PCNX2: variants seen among roughly 807,000 people sequenced by gnomAD.
PCNX2 encodes the protein pecanex 2, also known as pecanex-like protein 2.
PCNX2 carries 168 observed loss-of-function variants against 223.8 expected under a neutral mutation model. That is an observed-to-expected ratio of 0.75 (90% CI 0.66 to 0.85). The LOEUF is 0.85. PCNX2 is among the 40% of genes least tolerant of loss of function. The probability of loss-of-function intolerance (pLI) is 0.00; values close to 1 mark genes in which losing one functional copy is unlikely to be tolerated. For missense variants in PCNX2, 2,507 were observed against 2,675.5 expected, an observed-to-expected ratio of 0.94 and a Z score of 1.39; for synonymous variants, 1,006 against 1,052.6, an observed-to-expected ratio of 0.96 and a Z score of 0.86.
chr1:233,203,806 TG>T (rs1292643256), intron 13 of PCNX2, among the ~76,000 whole-genome samples: 42 of 152,156 alleles, frequency 2.8e-4, no homozygotes, highest in Admixed American at 6.5e-4. Context: ...GACAGGGTGA[TG>T]GTTTAATTGC....
chr1:233,264,066 G>A (rs945954619), intron 1 of PCNX2, among the ~76,000 whole-genome samples: 8 of 152,080 alleles, frequency 5.3e-5, no homozygotes, highest in African/African-American at 1.4e-4. Flanking sequence ...TGAGCATGGC[G>A]ACCATAGTGA....
chr1:233,252,291 G>A, intron 7 of PCNX2, 63 bp downstream of exon 7: 2 of 1,527,210 alleles, frequency 1.3e-6, no homozygotes, highest in Non-Finnish European at 1.8e-6. Context: ...GTATCACACT[G>A]AGTCCTGAGA....
chr1:233,078,533 G>A (rs1673202892), intron 23 of PCNX2, among the ~76,000 whole-genome samples: 1 of 152,186 alleles, frequency 6.6e-6, no homozygotes, highest in Non-Finnish European at 1.5e-5. Context: ...TTGCTATAGT[G>A]ATTTAGAACA....
At chr1:233,274,630 TG>T (rs1384373384) in intron 1 of PCNX2, among the ~76,000 whole-genome samples, 1 of 152,058 alleles carries the variant, frequency 6.6e-6, no homozygotes, top group Non-Finnish European at 1.5e-5. Context: ...GACTGAGGAA[TG>T]GGGGTAGCAG....
intron 23 of PCNX2, among the ~76,000 whole-genome samples, chr1:233,083,609 C>A (rs1172674080): frequency 6.6e-6 from 1 of 152,176 alleles, no homozygotes; most frequent in African/African-American, 2.4e-5. Context: ...GTGAGATTCA[C>A]GAGAGCTCAC....
intron 25 of PCNX2, among the ~76,000 whole-genome samples, chr1:233,045,947 T>G (rs1671809326): frequency 6.6e-6 from 1 of 152,254 alleles, no homozygotes; most frequent in Admixed American, 6.5e-5. Flanking sequence ...TTCTCAGAAG[T>G]CTGTGCCCTT....
At chr1:233,076,741 C>T (rs1418850011) in intron 23 of PCNX2, among the ~76,000 whole-genome samples, 2 of 152,160 alleles carry the variant, frequency 1.3e-5, no homozygotes, top group Non-Finnish European at 2.9e-5. Flanking sequence ...ATCATTTACA[C>T]CTTGACTAAA....
Position 232,998,366 on chromosome 1 carries a change from C to T in PCNX2, c.5676G>A (p.Pro1892=), listed in dbSNP as rs749150552. Residue 1892 remains proline, a synonymous_variant, in exon 32 of 34, where the codon CCG becomes CCA. Coordinates refer to ENST00000258229, the MANE Select transcript of PCNX2 (RefSeq NM_014801.4). ...TCGGGGCATTGTTGCCACCTGTCGT[C>T]GGGGCCCCTCCTCCGTCCACGTCTT... The part of the protein sequence containing the change: ...NIEDVDGGGA[P]TTGGNNAPSG... The T allele has an allele frequency of 6.2e-6, 10 of 1,613,010 alleles. No homozygotes were observed. The highest frequency in any genetic ancestry group is 3.3e-5 in the Admixed American group (2 of 59,956).
At chr1:233,111,179 T>C (rs1675093344) in intron 21 of PCNX2, among the ~76,000 whole-genome samples, 1 of 152,158 alleles carries the variant, frequency 6.6e-6, no homozygotes. Flanking sequence ...ACCCGGGTTC[T>C]GATGCTAGGT....
At chr1:233,083,353 C>G (rs1673449222) in intron 23 of PCNX2, among the ~76,000 whole-genome samples, 1 of 152,212 alleles carries the variant, frequency 6.6e-6, no homozygotes, top group Non-Finnish European at 1.5e-5. Flanking sequence ...GTGTAGGACT[C>G]AGCGTCTTGA....
chr1:233,018,822 A>G (rs943250071), intron 26 of PCNX2: 2 of 985,444 alleles, frequency 2.0e-6, no homozygotes, highest in African/African-American at 3.5e-5. Context: ...GGAGGCAGGG[A>G]TGTGTGCTCC....
At chr1:233,163,745 C>G (rs1246273745) in intron 17 of PCNX2, among the ~76,000 whole-genome samples, 1 of 151,908 alleles carries the variant, frequency 6.6e-6, no homozygotes, top group Non-Finnish European at 1.5e-5. Flanking sequence ...ATCCTTCTGC[C>G]TCAGCCTCTT....
chr1:233,239,003 G>A (rs374266856), intron 8 of PCNX2, among the ~76,000 whole-genome samples: 21 of 152,156 alleles, frequency 1.4e-4, no homozygotes, highest in Non-Finnish European at 2.6e-4. Context: ...ACTCTTCTGC[G>A]TTGTACGGAA....
At chr1:233,280,656 G>A (rs1661146091) in intron 1 of PCNX2, among the ~76,000 whole-genome samples, 1 of 152,108 alleles carries the variant, frequency 6.6e-6, no homozygotes, top group South Asian at 2.1e-4. Context: ...GTCTTATGAG[G>A]ATGAGGCCAG....
At chr1:233,236,764 C>T in intron 9 of PCNX2, 81 bp downstream of exon 9, 1 of 1,558,398 alleles carries the variant, frequency 6.4e-7, no homozygotes, top group Admixed American at 1.8e-5. Flanking sequence ...CTAATCCTGT[C>T]AAGTAATCCA....
chr1:233,057,455 T>A (rs1049724467), intron 23 of PCNX2, 165 bp from the exon 24 acceptor site: 2 of 615,532 alleles, frequency 3.2e-6, no homozygotes, highest in African/African-American at 3.7e-5. Context: ...AGGAGTCTCA[T>A]GATAAGAGAT....
At chr1:233,190,329 G>A (rs948189502) in intron 15 of PCNX2, among the ~76,000 whole-genome samples, 1 of 152,156 alleles carries the variant, frequency 6.6e-6, no homozygotes, top group Non-Finnish European at 1.5e-5. Context: ...TTGAAGATGG[G>A]TGAGCTTTTC....
rs1217681653 is a variant in PCNX2, at chr1:233,242,932, C to A, written c.2223-5952G>T. 3.9e-5 allele frequency among the ~76,000 whole-genome samples: 6 copies of A among 152,190 alleles called. No individual in the cohort carries two copies. In the East Asian group the frequency reaches 1.2e-3, roughly 29 times the overall value. On this transcript the variant is annotated intron_variant, in intron 8 of 33. Transcript: ENST00000258229. ...CTGGCAGTTTTTCCTACTAGCAATT[C>A]TAAAGGCTGCAATTCAAGCTGTAGT...
intron 8 of PCNX2, among the ~76,000 whole-genome samples, chr1:233,245,330 C>G (rs1264447022): frequency 6.6e-6 from 1 of 152,228 alleles, no homozygotes; most frequent in Non-Finnish European, 1.5e-5. Flanking sequence ...AGATGAATTT[C>G]AGAGAGGACT....
Sources: gnomAD v4.1 joint callset for allele counts (sites outside exome capture counted in the v4.1 genomes callset) on GRCh38, gnomAD v4.1.1 for gene constraint, MANE v1.5 for transcripts, NCBI Gene and HGNC (gene_info 2026-07-23, HGNC 2026-07-21) for gene names.